The following COL4A2 variants were observed in gnomAD, a reference collection of about 807,000 sequenced individuals.
The protein encoded by COL4A2 is collagen type IV alpha 2 chain, also known as collagen alpha-2(IV) chain.
Under a neutral mutation model 200.2 loss-of-function variants are expected in COL4A2, and 99 were observed. That is an observed-to-expected ratio of 0.49 (90% CI 0.42 to 0.58). The LOEUF is 0.58. COL4A2 is among the 20% of genes least tolerant of loss of function. The probability of loss-of-function intolerance (pLI) is 0.00; values close to 1 mark genes in which losing one functional copy is unlikely to be tolerated. For synonymous variants in COL4A2, 897 were observed against 900.6 expected (o/e 1.00, Z 0.07); for missense variants, 1,950 against 2,314.1 (o/e 0.84, Z 3.23).
At chr13:110,496,600 A>C (rs909520377) in intron 40 of COL4A2, among the ~76,000 whole-genome samples, 5 of 148,056 alleles carry the variant, frequency 3.4e-5, no homozygotes, top group African/African-American at 1.3e-4. Flanking sequence ...AGAGTTGAGG[A>C]TCTAGGGTCA....
At chr13:110,328,534 C>T (rs958497628) in intron 3 of COL4A2, 1 of 152,232 alleles carries the variant, frequency 6.6e-6, no homozygotes, top group East Asian at 1.9e-4. Context: ...GAAAATAGAA[C>T]AGCGCACTTT....
chr13:110,384,098 A>G (rs1355790822), intron 4 of COL4A2, among the ~76,000 whole-genome samples: 1 of 152,246 alleles, frequency 6.6e-6, no homozygotes, highest in East Asian at 1.9e-4. Flanking sequence ...AAATATGATC[A>G]AAAGAGTGGT....
At chr13:110,375,107 T>C (rs1459131654) in intron 4 of COL4A2, among the ~76,000 whole-genome samples, 1 of 152,190 alleles carries the variant, frequency 6.6e-6, no homozygotes, top group Non-Finnish European at 1.5e-5. Context: ...GTTGCCCAAT[T>C]GGACTCTGAG....
At chr13:110,331,217 A>G (rs1875897242) in intron 3 of COL4A2, among the ~76,000 whole-genome samples, 1 of 152,204 alleles carries the variant, frequency 6.6e-6, no homozygotes, top group African/African-American at 2.4e-5. Flanking sequence ...AAGGACAGAG[A>G]AAGTCATATA....
At chr13:110,358,344 A>G (rs991482884) in intron 4 of COL4A2, among the ~76,000 whole-genome samples, 31 of 152,314 alleles carry the variant, frequency 2.0e-4, no homozygotes, top group Admixed American at 2.0e-3. Flanking sequence ...CTTCGGGGCA[A>G]TAACACGCAT....
At chr13:110,459,235 A>G in intron 22 of COL4A2, 1 of 303,200 alleles carries the variant, frequency 3.3e-6, no homozygotes, top group Non-Finnish European at 6.1e-6. Context: ...AAGAGACTTG[A>G]AAGCACGTGT....
chr13:110,456,210 T>C (rs1274686501), intron 20 of COL4A2, among the ~76,000 whole-genome samples: 1 of 152,132 alleles, frequency 6.6e-6, no homozygotes, highest in East Asian at 1.9e-4. Context: ...AAGGGGAAGG[T>C]GGTGGGCGAG....
intron 44 of COL4A2, 45 bp downstream of exon 44, chr13:110,504,038 G>A: frequency 6.4e-7 from 1 of 1,556,406 alleles, no homozygotes; most frequent in Non-Finnish European, 8.7e-7. Context: ...GGCTGCCCGG[G>A]CAAGGCCAGG....
intron 20 of COL4A2, among the ~76,000 whole-genome samples, chr13:110,454,901 C>A (rs1881665206): frequency 6.6e-6 from 1 of 152,104 alleles, no homozygotes; most frequent in Admixed American, 6.5e-5. Flanking sequence ...GAGCTCTGGG[C>A]CTCCTCCGTC....
chr13:110,340,250 G>A (rs550814386), intron 3 of COL4A2, among the ~76,000 whole-genome samples: 2 of 152,278 alleles, frequency 1.3e-5, no homozygotes, highest in East Asian at 3.9e-4. Flanking sequence ...CCTGGTAGCT[G>A]AGATTATAGG....
intron 4 of COL4A2, among the ~76,000 whole-genome samples, chr13:110,387,067 G>A (rs903803338): frequency 6.6e-5 from 10 of 152,088 alleles, no homozygotes; most frequent in South Asian, 2.1e-4. Context: ...GTGAAACCCC[G>A]TCTCTACTAA....
At chr13:110,346,334 T>C (rs1028694851) in intron 3 of COL4A2, among the ~76,000 whole-genome samples, 3 of 152,116 alleles carry the variant, frequency 2.0e-5, no homozygotes, top group African/African-American at 4.8e-5. Flanking sequence ...TTAATAAATA[T>C]ATCTAAATTG....
At chr13:110,364,849 CA>C (rs1336418373) in intron 4 of COL4A2, among the ~76,000 whole-genome samples, 1 of 152,136 alleles carries the variant, frequency 6.6e-6, no homozygotes, top group Admixed American at 6.5e-5. Flanking sequence ...TAGGCACATG[CA>C]GCTATTTCAA....
At chr13:110,495,510 C>G in intron 40 of COL4A2, 43 bp downstream of exon 40, 2 of 1,596,562 alleles carry the variant, frequency 1.3e-6, no homozygotes, top group Non-Finnish European at 1.7e-6. Flanking sequence ...TCCCAGTAAC[C>G]AGAACCCACC....
In COL4A2 at chr13:110,462,120, C is replaced by G. The variant is rs771523415; in HGVS notation, c.1603C>G (p.Pro535Ala). ...TTTTGTCTGTTTTCCACAGGGAGTGCCTGGCAACATTGGTGCTCCCGGACC... is the reference window on the plus strand; with the variant it reads ...TTTTGTCTGTTTTCCACAGGGAGTGGCTGGCAACATTGGTGCTCCCGGACC... ...LPGFPGLKGV[P>A]GNIGAPGPKG... The change falls in exon 23 of 48, where the codon CCT (proline) becomes GCT (alanine). Residue 535 changes from proline (P) to alanine (A), a missense_variant. Coordinates refer to ENST00000360467, the MANE Select transcript of COL4A2 (RefSeq NM_001846.4). 1 of 1,614,238 alleles carries G rather than the reference C, an allele frequency of 6.2e-7. No homozygotes were observed. Among genetic ancestry groups the G allele is most frequent in the Non-Finnish European group, 8.5e-7 (1 of 1,180,036 alleles).
chr13:110,440,119 C>T (rs1432355625), intron 16 of COL4A2, among the ~76,000 whole-genome samples: 1 of 152,220 alleles, frequency 6.6e-6, no homozygotes, highest in African/African-American at 2.4e-5. Flanking sequence ...TCACACCCCT[C>T]CTCCATGTCC....
rs200430407 is a variant in COL4A2, at chr13:110,308,073, C to A, written c.49C>A (p.Leu17Met). 1 of 1,613,820 alleles carries A rather than the reference C, an allele frequency of 6.2e-7. No individual in the cohort carries two copies. Among genetic ancestry groups the A allele is most frequent in the Admixed American group, 1.7e-5 (1 of 60,030 alleles). Residue 17 changes from leucine to methionine, a missense_variant, in exon 3 of 48, where the codon CTG (leucine) becomes ATG (methionine). By Grantham distance (15) the Leu-to-Met change is conservative. Coordinates refer to ENST00000360467, the MANE Select transcript of COL4A2 (RefSeq NM_001846.4). ...CTTCCTCCCTTTCCCATGCAGGTGG[C>A]TGCTGCTGGGGACAGTGACCGTGGG... ...AVAGPALRRW[L>M]LLGTVTVGFL...
intron 28 of COL4A2, 83 bp downstream of exon 28, chr13:110,469,407 C>T: frequency 7.3e-7 from 1 of 1,360,820 alleles, no homozygotes; most frequent in Non-Finnish European, 1.0e-6. Flanking sequence ...GCTCTATTAT[C>T]TTCCACTTTG....
intron 3 of COL4A2, among the ~76,000 whole-genome samples, chr13:110,350,468 C>T (rs762552384): frequency 6.6e-6 from 1 of 152,176 alleles, no homozygotes; most frequent in Non-Finnish European, 1.5e-5. Context: ...CTCAGAGCCG[C>T]CCCAGATGCA....
Sources: allele counts gnomAD v4.1 joint callset (sites outside exome capture counted in the v4.1 genomes callset), GRCh38; gene constraint gnomAD v4.1.1; transcripts MANE v1.5; gene names NCBI Gene and HGNC (gene_info 2026-07-23, HGNC 2026-07-21).